FRMD4B: variants seen among roughly 807,000 people sequenced by gnomAD.
FRMD4B encodes the protein FERM domain containing 4B.
A neutral mutation model predicts 141.5 loss-of-function variants in FRMD4B; 74 were observed. The observed-to-expected ratio is 0.52, with a 90% CI of 0.43 to 0.63. The LOEUF is 0.63. Ranked by LOEUF, FRMD4B falls within the 30% of genes least tolerant of loss-of-function variation. The pLI is 0.00. For missense variants in FRMD4B, 1,366 were observed against 1,253.4 expected (o/e 1.09, Z -1.36); for synonymous variants, 506 against 467.9 (o/e 1.08, Z -1.05).
chr3:69,492,915 T>C (rs995850583), intron 1 of FRMD4B, among the ~76,000 whole-genome samples: 1 of 152,236 alleles, frequency 6.6e-6, no homozygotes, highest in Non-Finnish European at 1.5e-5. Context: ...ACATATACTC[T>C]ATATTTTATG....
At chr3:69,194,125 G>C (rs2092872723) in intron 16 of FRMD4B, among the ~76,000 whole-genome samples, 1 of 152,170 alleles carries the variant, frequency 6.6e-6, no homozygotes, top group East Asian at 1.9e-4. Flanking sequence ...AGTTGGTTGG[G>C]AGAAGATCAC....
intron 1 of FRMD4B, among the ~76,000 whole-genome samples, chr3:69,487,225 T>A (rs1417583358): frequency 6.6e-6 from 1 of 152,206 alleles, no homozygotes; most frequent in Non-Finnish European, 1.5e-5. Flanking sequence ...GATCCCAGAC[T>A]ATAGGCCTGA....
chr3:69,533,375 G>C (rs1226248335), intron 1 of FRMD4B, among the ~76,000 whole-genome samples: 2 of 148,374 alleles, frequency 1.3e-5, no homozygotes, highest in African/African-American at 4.8e-5. Context: ...CTTACTAGCT[G>C]TGTGATTTTG....
intron 12 of FRMD4B, 87 bp downstream of exon 12, chr3:69,198,611 T>C (rs1286001737): frequency 2.8e-6 from 2 of 718,774 alleles, no homozygotes; most frequent in African/African-American, 1.8e-5. Context: ...AAAACATATG[T>C]TCATATAAAA....
At chr3:69,203,368 T>C (rs1053442255) in intron 11 of FRMD4B, among the ~76,000 whole-genome samples, 1 of 134,692 alleles carries the variant, frequency 7.4e-6, no homozygotes, top group Non-Finnish European at 1.6e-5. Flanking sequence ...AAAAATACTA[T>C]AAGGAAAAGC....
intron 1 of FRMD4B, among the ~76,000 whole-genome samples, chr3:69,529,812 T>G (rs1345341979): frequency 6.6e-6 from 1 of 152,196 alleles, no homozygotes; most frequent in African/African-American, 2.4e-5. Context: ...TTTCCCAGTC[T>G]TAAAGATGGA....
At chr3:69,270,036 A>G (rs1332526585) in intron 5 of FRMD4B, among the ~76,000 whole-genome samples, 1 of 150,694 alleles carries the variant, frequency 6.6e-6, no homozygotes, top group Non-Finnish European at 1.5e-5. Flanking sequence ...TTTTTTTTAG[A>G]GACGGGTTCT....
At chr3:69,185,502 T>C (rs1316904319) in intron 19 of FRMD4B, among the ~76,000 whole-genome samples, 1 of 152,144 alleles carries the variant, frequency 6.6e-6, no homozygotes, top group Non-Finnish European at 1.5e-5. Context: ...AGATGTGGTA[T>C]AACATGTTCA....
At chr3:69,253,617 T>C (rs537058252) in intron 5 of FRMD4B, among the ~76,000 whole-genome samples, 2 of 152,318 alleles carry the variant, frequency 1.3e-5, no homozygotes, top group South Asian at 4.1e-4. Context: ...GAGAAACTAC[T>C]GGGACACCTC....
intron 2 of FRMD4B, among the ~76,000 whole-genome samples, chr3:69,312,153 A>C (rs888619698): frequency 6.6e-6 from 1 of 152,204 alleles, no homozygotes; most frequent in African/African-American, 2.4e-5. Flanking sequence ...TCTGCTGAGA[A>C]GAAGCATGGG....
At chr3:69,430,823 G>T (rs376807766) in intron 2 of FRMD4B, among the ~76,000 whole-genome samples, 84 of 152,344 alleles carry the variant, frequency 5.5e-4, no homozygotes, top group African/African-American at 2.0e-3. Flanking sequence ...GCACCTATCA[G>T]ACTGGCAAGG....
At chr3:69,483,405 A>G (rs1158687910) in intron 1 of FRMD4B, among the ~76,000 whole-genome samples, 4 of 152,270 alleles carry the variant, frequency 2.6e-5, no homozygotes. Flanking sequence ...AATAAAGATT[A>G]TAATGATTTA....
At chr3:69,456,271 G>A (rs902641665) in intron 1 of FRMD4B, among the ~76,000 whole-genome samples, 2 of 152,080 alleles carry the variant, frequency 1.3e-5, no homozygotes, top group Non-Finnish European at 2.9e-5. Flanking sequence ...AACGCCAACC[G>A]AGGTAGAAGT....
intron 1 of FRMD4B, among the ~76,000 whole-genome samples, chr3:69,326,712 G>A (rs1352748021): frequency 6.6e-6 from 1 of 152,192 alleles, no homozygotes; most frequent in Non-Finnish European, 1.5e-5. Context: ...AACAACATGA[G>A]AGGGAAAAAT....
intron 1 of FRMD4B, among the ~76,000 whole-genome samples, chr3:69,452,563 A>G (rs965522408): frequency 6.6e-6 from 1 of 152,252 alleles, no homozygotes; most frequent in South Asian, 2.1e-4. Flanking sequence ...AGTTCAACAC[A>G]TATTTGTCAA....
intron 19 of FRMD4B, among the ~76,000 whole-genome samples, chr3:69,183,448 C>A (rs1438408053): frequency 5.3e-5 from 8 of 150,032 alleles, no homozygotes; most frequent in Non-Finnish European, 1.5e-5. Flanking sequence ...TACTTCCCAG[C>A]ATGGTGACAA....
At chr3:69,275,675 C>T (rs1413133453) in intron 5 of FRMD4B, among the ~76,000 whole-genome samples, 1 of 152,046 alleles carries the variant, frequency 6.6e-6, no homozygotes, top group Non-Finnish European at 1.5e-5. Flanking sequence ...AAGTGATCCA[C>T]CTGTCTCAGC....
intron 5 of FRMD4B, among the ~76,000 whole-genome samples, chr3:69,270,309 A>T (rs1320799322): frequency 6.6e-6 from 1 of 152,218 alleles, no homozygotes; most frequent in Non-Finnish European, 1.5e-5. Context: ...AAATATAAAG[A>T]TAGCCCTTCA....
intron 2 of FRMD4B, among the ~76,000 whole-genome samples, chr3:69,401,393 G>T (rs1704561318): frequency 6.6e-6 from 1 of 152,168 alleles, no homozygotes; most frequent in Non-Finnish European, 1.5e-5. Flanking sequence ...TTATCTTAAA[G>T]ATTCCTGAAG....
Sources: gnomAD v4.1 joint callset for allele counts (sites outside exome capture counted in the v4.1 genomes callset) on GRCh38, gnomAD v4.1.1 for gene constraint, MANE v1.5 for transcripts, NCBI Gene and HGNC (gene_info 2026-07-23, HGNC 2026-07-21) for gene names.